WWOX: variants seen among roughly 807,000 people sequenced by gnomAD.
WWOX encodes the protein WW domain-containing oxidoreductase.
A neutral mutation model predicts 46.2 loss-of-function variants in WWOX; 69 were observed. The observed-to-expected ratio is 1.49, with a 90% CI of 1.23 to 1.82. WWOX has a LOEUF of 1.82. WWOX is among the 40% of genes most tolerant of loss of function. The pLI is 0.00. For synonymous variants in WWOX, 359 were observed against 202.6 expected, an observed-to-expected ratio of 1.77 and a Z score of -6.56; for missense variants, 919 against 542.6, an observed-to-expected ratio of 1.69 and a Z score of -6.89.
chr16:78,281,806 G>A lies in WWOX; in HGVS notation c.517-105054G>A, dbSNP rs549974861. Among the ~76,000 whole-genome samples, 44 of 152,150 alleles carry A rather than the reference G, an allele frequency of 2.9e-4. 1 individual carries two copies. The highest frequency in any genetic ancestry group is 5.9e-4 in the Non-Finnish European group (40 of 67,996). On this transcript the variant is annotated intron_variant, in intron 5 of 8. Coordinates refer to ENST00000566780, the MANE Select transcript of WWOX (RefSeq NM_016373.4). ...AGAACACAGCCGTGTTTGGCCCAGC[G>A]GTTATAGTTTGCCAACCCCTGCTTA...
In WWOX at chr16:78,104,231, AACACACACAC is replaced by A. The variant is rs376622174; in HGVS notation, c.108-4161_108-4152del. 1.4e-3 allele frequency among the ~76,000 whole-genome samples: 181 copies of A among 130,222 alleles called. 1 individual carries two copies. Among genetic ancestry groups the A allele is most frequent in the African/African-American group, 4.3e-3 (145 of 34,062 alleles). 85.4% of individuals were successfully genotyped at this position (130,222 alleles called of 152,430 possible). On this transcript the variant is annotated intron_variant, in intron 1 of 8. Coordinates refer to ENST00000566780, the MANE Select transcript of WWOX (RefSeq NM_016373.4). ...CCCTGCTAACTTACACTGTGCTCAA[AACACACACAC>A]ACACACACACACACACACACACACA...
chr16:78,742,725 C>G (rs2049259028), intron 8 of WWOX, among the ~76,000 whole-genome samples: 1 of 152,176 alleles, frequency 6.6e-6, no homozygotes. Context: ...TTGGGCGACA[C>G]AGTTTTGTTT....
At chr16:78,739,598 G>T (rs897162594) in intron 8 of WWOX, among the ~76,000 whole-genome samples, 1 of 152,126 alleles carries the variant, frequency 6.6e-6, no homozygotes, top group Admixed American at 6.5e-5. Context: ...ATCACCTGAG[G>T]TTAGGAGTTC....
At chr16:78,946,861 G>A (rs1396588274) in intron 8 of WWOX, among the ~76,000 whole-genome samples, 2 of 152,224 alleles carry the variant, frequency 1.3e-5, no homozygotes, top group Non-Finnish European at 2.9e-5. Flanking sequence ...AAGAATGGCC[G>A]TGGCAAGGAC....
chr16:78,600,150 C>G (rs1245123026), intron 8 of WWOX, among the ~76,000 whole-genome samples: 3 of 152,108 alleles, frequency 2.0e-5, no homozygotes, highest in Non-Finnish European at 2.9e-5. Context: ...GACTTGTTCA[C>G]TATCACGAGT....
intron 8 of WWOX, among the ~76,000 whole-genome samples, chr16:79,013,034 A>T (rs773753704): frequency 6.6e-6 from 1 of 152,198 alleles, no homozygotes; most frequent in African/African-American, 2.4e-5. Flanking sequence ...GTGCCACTGC[A>T]TGTCAGCCTG....
intron 8 of WWOX, among the ~76,000 whole-genome samples, chr16:78,969,010 C>A (rs943963279): frequency 6.6e-6 from 1 of 152,096 alleles, no homozygotes; most frequent in Non-Finnish European, 1.5e-5. Context: ...GATGGACTGC[C>A]TGGAACCCGG....
intron 8 of WWOX, among the ~76,000 whole-genome samples, chr16:78,727,092 C>T (rs1295112882): frequency 6.6e-6 from 1 of 152,148 alleles, no homozygotes; most frequent in East Asian, 1.9e-4. Context: ...CAGAATGCAT[C>T]CATGGAATAT....
At chr16:79,032,000 C>A (rs1187926323) in intron 8 of WWOX, among the ~76,000 whole-genome samples, 1 of 143,178 alleles carries the variant, frequency 7.0e-6, no homozygotes, top group African/African-American at 2.5e-5. Context: ...TTATTTTGGG[C>A]TGTTATTAGG....
chr16:78,557,284 G>A (rs991825633), intron 8 of WWOX, among the ~76,000 whole-genome samples: 3 of 152,072 alleles, frequency 2.0e-5, no homozygotes, highest in African/African-American at 7.2e-5. Context: ...ATAGACATTT[G>A]GAAGCAAAGA....
At position 78,627,517 on chromosome 16, in the gene WWOX, C is replaced by G. The variant is rs891623633; in HGVS notation, c.1056+194765C>G. On this transcript the variant is annotated intron_variant, in intron 8 of 8. Coordinates refer to ENST00000566780, the MANE Select transcript of WWOX (RefSeq NM_016373.4). ...TTTGAATAATGGCCCAGGATGCCAA[C>G]AAGAAGTCACCAATGAGAGTTCAGG... is the stretch of plus-strand genomic sequence containing the variant. 2.6e-5 allele frequency among the ~76,000 whole-genome samples: 4 copies of G among 152,130 alleles called. No individual in the cohort carries two copies. The East Asian group carries it at 7.7e-4, about 29-fold the overall frequency.
chr16:78,626,784 C>T (rs553454466), intron 8 of WWOX, among the ~76,000 whole-genome samples: 2 of 152,100 alleles, frequency 1.3e-5, no homozygotes, highest in Admixed American at 6.6e-5. Context: ...GTGTCTTCTC[C>T]CCCATTTATT....
At chr16:78,568,002 T>C (rs956160889) in intron 8 of WWOX, among the ~76,000 whole-genome samples, 1 of 152,178 alleles carries the variant, frequency 6.6e-6, no homozygotes, top group Non-Finnish European at 1.5e-5. Flanking sequence ...CTAGAGCCTC[T>C]GTTCACTACT....
At chr16:79,128,882 C>T (rs1438545224) in intron 8 of WWOX, among the ~76,000 whole-genome samples, 1 of 152,126 alleles carries the variant, frequency 6.6e-6, no homozygotes, top group Non-Finnish European at 1.5e-5. Context: ...AGCAGTAAGG[C>T]CTGACTGGTG....
At chr16:78,372,855 C>G (rs988719530) in intron 5 of WWOX, among the ~76,000 whole-genome samples, 1 of 152,116 alleles carries the variant, frequency 6.6e-6, no homozygotes, top group Non-Finnish European at 1.5e-5. Flanking sequence ...TATCATCATG[C>G]CTCTCTTTCA....
intron 8 of WWOX, among the ~76,000 whole-genome samples, chr16:78,656,760 A>G (rs1396406794): frequency 3.3e-5 from 5 of 152,142 alleles, no homozygotes; most frequent in African/African-American, 1.2e-4. Flanking sequence ...CTCTCCTTAC[A>G]AGGGGTTCCT....
At chr16:79,013,995 T>C (rs555089232) in intron 8 of WWOX, among the ~76,000 whole-genome samples, 3 of 152,276 alleles carry the variant, frequency 2.0e-5, no homozygotes, top group Admixed American at 6.5e-5. Flanking sequence ...TCTCCTCCTT[T>C]TGTCAGTTGG....
intron 8 of WWOX, among the ~76,000 whole-genome samples, chr16:78,990,186 C>G (rs76178382): frequency 3.6e-5 from 4 of 110,258 alleles, no homozygotes; most frequent in Admixed American, 2.7e-4. Context: ...CTTGTCTCAC[C>G]AAAAAAAAAA....
chr16:78,677,525 TAGC>T (rs536546217), intron 8 of WWOX, among the ~76,000 whole-genome samples: 3 of 152,202 alleles, frequency 2.0e-5, no homozygotes, highest in Non-Finnish European at 4.4e-5. Context: ...AGTTACTCAT[TAGC>T]AGCCTCTGCT....
Sources: allele counts gnomAD v4.1 joint callset (sites outside exome capture counted in the v4.1 genomes callset), GRCh38; gene constraint gnomAD v4.1.1; transcripts MANE v1.5; gene names NCBI Gene and HGNC (gene_info 2026-07-23, HGNC 2026-07-21).